The following EPHA7 variants were observed in gnomAD, a reference collection of about 807,000 sequenced individuals.
The protein encoded by EPHA7 is ephrin type-A receptor 7.
A neutral mutation model predicts 112.6 loss-of-function variants in EPHA7; 25 were observed. The ratio of observed to expected loss-of-function variants is 0.22; its 90% CI spans 0.16 to 0.31. The LOEUF is 0.31. Among genes scored for constraint, EPHA7 ranks in the 10% least tolerant of loss-of-function variants. EPHA7 has a pLI of 1.00. For synonymous variants in EPHA7, 437 were observed against 406.5 expected (o/e 1.07, Z -0.90); for missense variants, 962 against 1,212.6 (o/e 0.79, Z 3.07).
intron 5 of EPHA7, among the ~76,000 whole-genome samples, chr6:93,307,587 C>T (rs366966): frequency 0.61 from 93,424 of 151,948 alleles, 28,929 homozygotes; most frequent in African/African-American, 0.71. Flanking sequence ...GCATGCAATT[C>T]TGAGCCAAGT....
chr6:93,290,376 A>T (rs923707466), intron 5 of EPHA7, among the ~76,000 whole-genome samples: 1 of 152,102 alleles, frequency 6.6e-6, no homozygotes, highest in Non-Finnish European at 1.5e-5. Flanking sequence ...ATTGGCTCAT[A>T]TTCTCTAAAA....
At chr6:93,263,792 C>A (rs1390788058) in intron 9 of EPHA7, 68 bp downstream of exon 9, 7 of 1,300,534 alleles carry the variant, frequency 5.4e-6, no homozygotes, top group South Asian at 3.8e-5. Flanking sequence ...TTTGTTAATG[C>A]CAATGCTAAT....
At chr6:93,283,919 A>G (rs1383742806) in intron 5 of EPHA7, among the ~76,000 whole-genome samples, 2 of 152,222 alleles carry the variant, frequency 1.3e-5, no homozygotes, top group Non-Finnish European at 2.9e-5. Flanking sequence ...ATACAATTTA[A>G]AGTTTTGGAA....
chr6:93,351,503 C>A (rs1040849057), intron 5 of EPHA7, among the ~76,000 whole-genome samples: 3 of 151,912 alleles, frequency 2.0e-5, no homozygotes, highest in Non-Finnish European at 4.4e-5. Context: ...CTTTCCAGAG[C>A]GTTAAAATAG....
intron 6 of EPHA7, among the ~76,000 whole-genome samples, chr6:93,270,460 A>G (rs1371384259): frequency 6.6e-6 from 1 of 151,542 alleles, no homozygotes; most frequent in African/African-American, 2.4e-5. Context: ...CATCAAAACA[A>G]TATTTAAATA....
intron 5 of EPHA7, among the ~76,000 whole-genome samples, chr6:93,354,066 G>C (rs1473422447): frequency 6.6e-6 from 1 of 152,110 alleles, no homozygotes; most frequent in Non-Finnish European, 1.5e-5. Flanking sequence ...TGCTGAGGAG[G>C]AAGATAACCA....
chr6:93,368,223 A>C (rs1210612623), intron 3 of EPHA7, among the ~76,000 whole-genome samples: 1 of 152,116 alleles, frequency 6.6e-6, no homozygotes, highest in Non-Finnish European at 1.5e-5. Context: ...ATAAATTATA[A>C]ACATTGTACC....
chr6:93,333,127 C>T (rs1352960104), intron 5 of EPHA7, among the ~76,000 whole-genome samples: 2 of 151,864 alleles, frequency 1.3e-5, no homozygotes, highest in African/African-American at 2.4e-5. Flanking sequence ...TAAGTGAGAA[C>T]ATGTACCATT....
At chr6:93,334,633 T>A (rs1005548908) in intron 5 of EPHA7, among the ~76,000 whole-genome samples, 4 of 152,096 alleles carry the variant, frequency 2.6e-5, no homozygotes, top group Non-Finnish European at 5.9e-5. Context: ...ATATATAATG[T>A]AGAAAAAAAT....
At chr6:93,305,607 T>A (rs957713704) in intron 5 of EPHA7, among the ~76,000 whole-genome samples, 7 of 151,930 alleles carry the variant, frequency 4.6e-5, no homozygotes, top group Non-Finnish European at 7.4e-5. Context: ...GCTTTCTTTT[T>A]CATTCTTCAA....
chr6:93,361,828 A>G (rs1776275533), intron 3 of EPHA7, among the ~76,000 whole-genome samples: 1 of 152,102 alleles, frequency 6.6e-6, no homozygotes, highest in Admixed American at 6.5e-5. Flanking sequence ...GCAAACTTTA[A>G]TTGATATAGC....
chr6:93,379,085 A>G lies in EPHA7; in HGVS notation c.833-20674T>C, dbSNP rs73755397. 9.7e-3 allele frequency among the ~76,000 whole-genome samples: 1,483 copies of G among 152,282 alleles called. 29 individuals carry two copies. Among genetic ancestry groups the G allele is most frequent in the African/African-American group, 0.034 (1,403 of 41,578 alleles). ...TATTTATATTAACATAAGTAATACA[A>G]GAAAAAGAAATACGTTAGCATTACT... is the stretch of plus-strand genomic sequence containing the variant. On this transcript the variant is annotated intron_variant, in intron 3 of 16. Transcript: ENST00000369303.
Position 93,296,115 on chromosome 6 carries a change from T to C in EPHA7, c.1325-23693A>G, listed in dbSNP as rs142630902. 3.0e-3 allele frequency among the ~76,000 whole-genome samples: 455 copies of C among 151,884 alleles called. 1 individual carries two copies. The highest frequency in any genetic ancestry group is 5.5e-3 in the Non-Finnish European group (373 of 67,790). On this transcript the variant is annotated intron_variant, in intron 5 of 16. Coordinates refer to ENST00000369303, the MANE Select transcript of EPHA7 (RefSeq NM_004440.4). Reference sequence around the variant, plus strand: ...TTTGAAAATGTTTTGTGGTTTTCTATATAAAACCTTATATATTACATAGCC... The same window carrying C: ...TTTGAAAATGTTTTGTGGTTTTCTACATAAAACCTTATATATTACATAGCC...
At position 93,240,257 on chromosome 6, in the gene EPHA7, A is replaced by G. The variant is rs1769634895; in HGVS notation, c.*3169T>C. Reference sequence around the variant, plus strand: ...CCATGATTTCTCCACATATAGCAAAAAAATACACATCAGTAATTTATTTGA... The same window carrying G: ...CCATGATTTCTCCACATATAGCAAAGAAATACACATCAGTAATTTATTTGA... On this transcript the variant is annotated 3_prime_UTR_variant, in exon 17 of 17. Transcript: ENST00000369303. The G allele has an allele frequency of 4.4e-6, 1 of 225,382 alleles. No homozygotes were observed. The highest frequency in any genetic ancestry group is 2.2e-5 in the African/African-American group (1 of 44,952). 14.0% of individuals were successfully genotyped at this position (225,382 alleles called of 1,614,324 possible).
intron 5 of EPHA7, among the ~76,000 whole-genome samples, chr6:93,300,114 C>A (rs1772903194): frequency 6.6e-6 from 1 of 152,088 alleles, no homozygotes; most frequent in East Asian, 1.9e-4. Flanking sequence ...GCGCATGTAT[C>A]CCTGAACTGA....
intron 11 of EPHA7, 57 bp downstream of exon 11, chr6:93,258,042 A>C: frequency 6.8e-7 from 1 of 1,473,806 alleles, no homozygotes; most frequent in Non-Finnish European, 9.4e-7. Context: ...GTACATAATA[A>C]TACTAATTTC....
intron 3 of EPHA7, among the ~76,000 whole-genome samples, chr6:93,385,516 C>CTAA (rs1777554167): frequency 6.6e-6 from 1 of 151,844 alleles, no homozygotes; most frequent in Non-Finnish European, 1.5e-5. Flanking sequence ...ATAAAAAACC[C>CTAA]TATATTTATT....
At chr6:93,351,787 G>A (rs1036793463) in intron 5 of EPHA7, among the ~76,000 whole-genome samples, 2 of 151,978 alleles carry the variant, frequency 1.3e-5, no homozygotes, top group African/African-American at 4.8e-5. Flanking sequence ...AACATAGTAA[G>A]TGTTCAATAA....
intron 1 of EPHA7, among the ~76,000 whole-genome samples, chr6:93,417,709 C>A (rs1779310083): frequency 6.6e-6 from 1 of 152,106 alleles, no homozygotes; most frequent in Non-Finnish European, 1.5e-5. Context: ...GGTTTCTGAT[C>A]GCTAACGTCA....
Sources: gnomAD v4.1 joint callset for allele counts (sites outside exome capture counted in the v4.1 genomes callset) on GRCh38, gnomAD v4.1.1 for gene constraint, MANE v1.5 for transcripts, NCBI Gene and HGNC (gene_info 2026-07-23, HGNC 2026-07-21) for gene names.